TBC1D1: variants seen among roughly 807,000 people sequenced by gnomAD.
TBC1D1 encodes TBC1 domain family member 1, also known as TBC1 (tre-2/USP6, BUB2, cdc16) domain family, member 1.
In TBC1D1, 89 loss-of-function variants were observed where a neutral mutation model predicts 125.6. That is an observed-to-expected ratio of 0.71 (90% CI 0.60 to 0.85). The LOEUF is 0.85. Among genes scored for constraint, TBC1D1 ranks in the 40% least tolerant of loss-of-function variants. TBC1D1 has a pLI of 0.00. For synonymous variants in TBC1D1, 565 were observed against 564.1 expected, an observed-to-expected ratio of 1.00 and a Z score of -0.02; for missense variants, 1,377 against 1,469.2, an observed-to-expected ratio of 0.94 and a Z score of 1.03.
chr4:38,124,031 T>C (rs1764258536), intron 17 of TBC1D1, among the ~76,000 whole-genome samples: 1 of 152,218 alleles, frequency 6.6e-6, no homozygotes, highest in Non-Finnish European at 1.5e-5. Flanking sequence ...CTTTCTCTCT[T>C]CCATTATCTT....
At chr4:37,983,089 A>AT (rs1290155539) in intron 2 of TBC1D1, among the ~76,000 whole-genome samples, 1 of 147,762 alleles carries the variant, frequency 6.8e-6, no homozygotes, top group Non-Finnish European at 1.5e-5. Flanking sequence ...GTGAAGACCC[A>AT]TTAGGGGCCA....
intron 19 of TBC1D1, among the ~76,000 whole-genome samples, chr4:38,136,138 C>A (rs1358044019): frequency 1.3e-5 from 2 of 152,024 alleles, no homozygotes; most frequent in Non-Finnish European, 2.9e-5. Context: ...CTTAGGGAAC[C>A]CTTTAATGTC....
chr4:37,937,347 T>C (rs547935944), intron 2 of TBC1D1, among the ~76,000 whole-genome samples: 1 of 152,314 alleles, frequency 6.6e-6, no homozygotes, highest in East Asian at 1.9e-4. Context: ...GGTCGTTCAA[T>C]GCTGGGTAGC....
At chr4:37,991,845 G>A (rs1158347317) in intron 2 of TBC1D1, among the ~76,000 whole-genome samples, 1 of 152,220 alleles carries the variant, frequency 6.6e-6, no homozygotes, top group Middle Eastern at 3.2e-3. Context: ...CATCCCGAAA[G>A]TGAATAAGGT....
intron 14 of TBC1D1, 113 bp from the exon 17 acceptor site, chr4:38,102,886 A>G: frequency 7.5e-7 from 1 of 1,330,904 alleles, no homozygotes; most frequent in Non-Finnish European, 1.0e-6. Context: ...GTCTCAAAAA[A>G]AAAAAAAAAG....
intron 10 of TBC1D1, among the ~76,000 whole-genome samples, chr4:38,047,821 C>T (rs534792982): frequency 5.9e-5 from 9 of 152,166 alleles, no homozygotes; most frequent in African/African-American, 7.2e-5. Flanking sequence ...AGGAATTGTG[C>T]CTATGGAAGT....
chr4:37,942,537 GT>G (rs1039023009), intron 2 of TBC1D1, among the ~76,000 whole-genome samples: 2 of 150,874 alleles, frequency 1.3e-5, no homozygotes, highest in African/African-American at 4.9e-5. Flanking sequence ...TAATATTGGT[GT>G]TTTTTTTGTT....
intron 2 of TBC1D1, among the ~76,000 whole-genome samples, chr4:37,946,277 A>C (rs538645014): frequency 6.6e-6 from 1 of 152,336 alleles, no homozygotes; most frequent in African/African-American, 2.4e-5. Flanking sequence ...CTGTGGGGTG[A>C]ATATGGTTAA....
chr4:37,954,967 C>G (rs1203332768), intron 2 of TBC1D1, among the ~76,000 whole-genome samples: 1 of 138,494 alleles, frequency 7.2e-6, no homozygotes, highest in Non-Finnish European at 1.5e-5. Context: ...TCTTGGCTCA[C>G]TTAGCAGTAG....
chr4:37,996,526 G>C (rs931450657), intron 2 of TBC1D1, among the ~76,000 whole-genome samples: 3 of 152,174 alleles, frequency 2.0e-5, no homozygotes, highest in African/African-American at 4.8e-5. Context: ...TGGTATGAGA[G>C]GAAAACCTGT....
intron 2 of TBC1D1, among the ~76,000 whole-genome samples, chr4:37,964,720 C>T (rs181399284): frequency 1.3e-5 from 2 of 152,362 alleles, no homozygotes; most frequent in East Asian, 1.9e-4. Context: ...GCCCTGCTGC[C>T]TCAGACCCAA....
In TBC1D1 at chr4:38,006,960, T is replaced by A. The variant is rs1740405248; in HGVS notation, c.418-7549T>A. On this transcript the variant is annotated intron_variant, in intron 2 of 19. Coordinates refer to ENST00000261439, the MANE Select transcript of TBC1D1 (RefSeq NM_015173.4). ...GTGTTGTCATCTGGATACCCAGTCA[T>A]AAGTCTCCTTCTTCTTGGCCAAGGG... 1.4e-5 allele frequency: 6 copies of A among 432,462 alleles called. No individual in the cohort carries two copies. In the Admixed American group the frequency reaches 1.5e-4, roughly 11 times the overall value. The allele number at this position is 432,462 out of a possible 1,614,324, so 26.8% of individuals were successfully genotyped here. A position where few individuals can be genotyped will look rare whatever the true frequency, so the allele number is the denominator to read the frequency against.
intron 3 of TBC1D1, among the ~76,000 whole-genome samples, chr4:38,016,761 G>A (rs951532385): frequency 5.3e-5 from 8 of 152,242 alleles, no homozygotes; most frequent in African/African-American, 1.7e-4. Flanking sequence ...GCTGGGACTG[G>A]AGGCAGCCCC....
intron 15 of TBC1D1, among the ~76,000 whole-genome samples, chr4:38,109,262 C>T (rs770052847): frequency 9.9e-5 from 15 of 152,202 alleles, no homozygotes; most frequent in Non-Finnish European, 1.8e-4. Context: ...CAGCCACACA[C>T]ATTATTCTGA....
chr4:38,076,018 C>T (rs1755533778), intron 12 of TBC1D1, among the ~76,000 whole-genome samples: 1 of 152,202 alleles, frequency 6.6e-6, no homozygotes, highest in Admixed American at 6.5e-5. Flanking sequence ...GAATAGTTTC[C>T]AATGGGACTT....
intron 12 of TBC1D1, among the ~76,000 whole-genome samples, chr4:38,081,746 A>G (rs536852390): frequency 6.6e-6 from 1 of 152,106 alleles, no homozygotes; most frequent in Non-Finnish European, 1.5e-5. Context: ...GGTGGATGCT[A>G]TTATTATCGG....
chr4:38,110,836 A>C, intron 15 of TBC1D1: 1 of 985,382 alleles, frequency 1.0e-6, no homozygotes, highest in Non-Finnish European at 1.2e-6. Context: ...TTTGGCAGAA[A>C]TTAGCTTTCC....
intron 2 of TBC1D1, among the ~76,000 whole-genome samples, chr4:37,954,889 CT>C (rs10691932): frequency 3.0e-4 from 33 of 109,422 alleles, no homozygotes; most frequent in Admixed American, 5.9e-4. Context: ...TTGAAACAGT[CT>C]TTTTTTTTTT....
At position 38,137,613 on chromosome 4, in the gene TBC1D1, A is replaced by G. The variant is rs1389432084; in HGVS notation, c.*278A>G. The G allele has an allele frequency of 2.5e-5, 9 of 365,392 alleles. No homozygotes were observed. Among genetic ancestry groups the G allele is most frequent in the East Asian group, 2.0e-4 (5 of 24,420 alleles). 22.6% of individuals were successfully genotyped at this position (365,392 alleles called of 1,614,324 possible). ...GCGTGGACGTGAATAAATGCAACTT[A>G]TGTTTTCTTGTTGGTTCCTTTTTGA... On this transcript the variant is annotated 3_prime_UTR_variant, in exon 20 of 20. Transcript: ENST00000261439.
Sources: gnomAD v4.1 joint callset for allele counts (sites outside exome capture counted in the v4.1 genomes callset) on GRCh38, gnomAD v4.1.1 for gene constraint, MANE v1.5 for transcripts, NCBI Gene and HGNC (gene_info 2026-07-23, HGNC 2026-07-21) for gene names.